The following CNTNAP2 variants were observed in gnomAD, a reference collection of about 807,000 sequenced individuals.
The protein encoded by CNTNAP2 is contactin associated protein 2, also known as contactin-associated protein-like 2.
A neutral mutation model predicts 155.2 loss-of-function variants in CNTNAP2; 98 were observed. The observed-to-expected ratio is 0.63, with a 90% CI of 0.54 to 0.75. The LOEUF (loss-of-function observed/expected upper bound fraction) is 0.75. CNTNAP2 is among the 30% of genes least tolerant of loss of function. The probability of loss-of-function intolerance (pLI) is 0.00; values close to 1 mark genes in which losing one functional copy is unlikely to be tolerated. For synonymous variants in CNTNAP2, 651 were observed against 631.2 expected (o/e 1.03, Z -0.47); for missense variants, 1,727 against 1,688.1 (o/e 1.02, Z -0.40).
intron 2 of CNTNAP2, among the ~76,000 whole-genome samples, chr7:146,838,690 G>T (rs918531371): frequency 1.3e-5 from 2 of 152,116 alleles, no homozygotes; most frequent in Admixed American, 6.5e-5. Flanking sequence ...GCAAAAATAG[G>T]CCATGTAACC....
At chr7:146,990,875 G>A (rs932856256) in intron 3 of CNTNAP2, among the ~76,000 whole-genome samples, 1 of 152,062 alleles carries the variant, frequency 6.6e-6, no homozygotes, top group Non-Finnish European at 1.5e-5. Flanking sequence ...CATAGACAAG[G>A]AGAAAACGGC....
chr7:146,544,683 G>A (rs1413441160), intron 1 of CNTNAP2, among the ~76,000 whole-genome samples: 1 of 151,932 alleles, frequency 6.6e-6, no homozygotes, highest in African/African-American at 2.4e-5. Flanking sequence ...AAGAAAAGCA[G>A]GGCCTTTATC....
At chr7:147,055,677 C>A (rs1047465710) in intron 4 of CNTNAP2, among the ~76,000 whole-genome samples, 1 of 152,098 alleles carries the variant, frequency 6.6e-6, no homozygotes, top group African/African-American at 2.4e-5. Context: ...TCAGACACTG[C>A]GGGAGGCAGG....
At chr7:146,401,168 C>T (rs1795708373) in intron 1 of CNTNAP2, among the ~76,000 whole-genome samples, 1 of 152,118 alleles carries the variant, frequency 6.6e-6, no homozygotes, top group African/African-American at 2.4e-5. Context: ...ATATAACTTT[C>T]CTAATGTTTT....
intron 8 of CNTNAP2, among the ~76,000 whole-genome samples, chr7:147,166,473 C>T (rs1802115568): frequency 1.3e-5 from 2 of 152,106 alleles, no homozygotes; most frequent in Non-Finnish European, 1.5e-5. Context: ...GCACCAAAAT[C>T]TCACAAATCA....
chr7:147,837,034 G>A (rs1168932829), intron 13 of CNTNAP2, among the ~76,000 whole-genome samples: 2 of 152,126 alleles, frequency 1.3e-5, no homozygotes, highest in African/African-American at 4.8e-5. Context: ...CATGCCATCC[G>A]AGTTCATGGA....
At chr7:148,194,467 T>A (rs1795244580) in intron 18 of CNTNAP2, among the ~76,000 whole-genome samples, 1 of 152,190 alleles carries the variant, frequency 6.6e-6, no homozygotes, top group South Asian at 2.1e-4. Flanking sequence ...GCGATATTAG[T>A]CAAGGTTCCC....
At chr7:147,706,225 G>A (rs563457693) in intron 13 of CNTNAP2, among the ~76,000 whole-genome samples, 1 of 147,014 alleles carries the variant, frequency 6.8e-6, no homozygotes, top group African/African-American at 2.5e-5. Flanking sequence ...CTCTACCAGT[G>A]GGTTTTATCC....
intron 5 of CNTNAP2, among the ~76,000 whole-genome samples, chr7:147,112,479 C>T (rs1419079397): frequency 6.6e-6 from 1 of 152,038 alleles, no homozygotes; most frequent in African/African-American, 2.4e-5. Flanking sequence ...CAGCTTTTCC[C>T]CATTCAGTAT....
chr7:146,835,703 A>G (rs1240429663), intron 2 of CNTNAP2, among the ~76,000 whole-genome samples: 1 of 152,210 alleles, frequency 6.6e-6, no homozygotes, highest in African/African-American at 2.4e-5. Context: ...GCAGACTAGA[A>G]TCTCCAGGAT....
intron 3 of CNTNAP2, among the ~76,000 whole-genome samples, chr7:146,967,696 A>G (rs1584754741): frequency 6.6e-6 from 1 of 152,204 alleles, no homozygotes; most frequent in Non-Finnish European, 1.5e-5. Context: ...TTATCAGCTT[A>G]AGGAGATTTT....
chr7:147,850,122 T>C (rs1215232019), intron 13 of CNTNAP2: 1 of 152,214 alleles, frequency 6.6e-6, no homozygotes, highest in African/African-American at 2.4e-5. Context: ...AAGAAATGTT[T>C]CTACTTTCAA....
At chr7:147,364,818 C>A (rs1463784933) in intron 9 of CNTNAP2, among the ~76,000 whole-genome samples, 4 of 150,762 alleles carry the variant, frequency 2.7e-5, no homozygotes, top group African/African-American at 9.8e-5. Context: ...CACTGCACTC[C>A]AGCCTGGGCG....
At chr7:147,397,762 T>C (rs1201059372) in intron 10 of CNTNAP2, among the ~76,000 whole-genome samples, 1 of 139,646 alleles carries the variant, frequency 7.2e-6, no homozygotes, top group Non-Finnish European at 1.5e-5. Flanking sequence ...GATACAGAGA[T>C]ACACAAAATT....
At chr7:147,637,317 C>A (rs764830401) in intron 12 of CNTNAP2, among the ~76,000 whole-genome samples, 2 of 151,892 alleles carry the variant, frequency 1.3e-5, no homozygotes, top group Non-Finnish European at 2.9e-5. Flanking sequence ...TGGCAGGAGG[C>A]GTGTTCAAAT....
rs1437920849 is a variant in CNTNAP2 at position 147,836,859 on chromosome 7, A to G, written c.2099-66706A>G. ...CAACATATAAAATTGAAATTGTAGA[A>G]AAATCTGTACATAGTCATAATTTGA... On this transcript the variant is annotated intron_variant, in intron 13 of 23. Coordinates refer to ENST00000361727, the MANE Select transcript of CNTNAP2 (RefSeq NM_014141.6). Among the ~76,000 whole-genome samples, 3 of 152,234 alleles carry G rather than the reference A, an allele frequency of 2.0e-5. No individual in the cohort carries two copies. In the East Asian group the frequency reaches 5.8e-4, roughly 29 times the overall value.
At chr7:148,107,012 A>G (rs1804238779) in intron 15 of CNTNAP2, among the ~76,000 whole-genome samples, 1 of 152,162 alleles carries the variant, frequency 6.6e-6, no homozygotes, top group South Asian at 2.1e-4. Flanking sequence ...CCCCAAATGA[A>G]AAGTGGGAAA....
At chr7:147,949,632 A>C (rs1362627801) in intron 14 of CNTNAP2, among the ~76,000 whole-genome samples, 3 of 152,076 alleles carry the variant, frequency 2.0e-5, no homozygotes, top group Non-Finnish European at 4.4e-5. Context: ...GTTATTTAGC[A>C]AGAAATAGAC....
intron 18 of CNTNAP2, among the ~76,000 whole-genome samples, chr7:148,197,721 C>T (rs1164944664): frequency 1.3e-5 from 2 of 152,204 alleles, no homozygotes; most frequent in African/African-American, 4.8e-5. Context: ...CTTGAGCCCT[C>T]TGACAGCTCC....
Sources: gnomAD v4.1 joint callset for allele counts (sites outside exome capture counted in the v4.1 genomes callset) on GRCh38, gnomAD v4.1.1 for gene constraint, MANE v1.5 for transcripts, NCBI Gene and HGNC (gene_info 2026-07-23, HGNC 2026-07-21) for gene names.